The following DRC2 variants were observed in gnomAD, a reference collection of about 807,000 sequenced individuals.
The protein encoded by DRC2 is coiled-coil domain containing 65.
At chr12:48,904,367 C>A in the DRC2 span, 5 of 1,613,802 alleles carry the variant, frequency 3.1e-6, no homozygotes, top group Non-Finnish European at 4.2e-6. Flanking sequence ...GGCCAAGACG[C>A]CCCTGTCCGA....
chr12:48,918,894 T>G, the DRC2 span: 1 of 1,611,970 alleles, frequency 6.2e-7, no homozygotes, highest in South Asian at 1.1e-5. Flanking sequence ...TGAGAAAGAT[T>G]GTTGATAAGG....
the DRC2 span, among the ~76,000 whole-genome samples, chr12:48,919,234 T>C: frequency 1.8e-4 from 27 of 151,594 alleles, no homozygotes; most frequent in East Asian, 3.3e-3. Flanking sequence ...TTTTTTTTTT[T>C]TCTTTTTGGT....
chr12:48,912,437 C>CA, the DRC2 span, among the ~76,000 whole-genome samples: 272 of 45,320 alleles, frequency 6.0e-3, 24 homozygotes, highest in Middle Eastern at 0.018. Context: ...GACGCCGTCT[C>CA]AAAAAAAAAA....
the DRC2 span, among the ~76,000 whole-genome samples, chr12:48,920,111 T>TAAAAA: frequency 9.4e-5 from 3 of 32,054 alleles, no homozygotes; most frequent in Non-Finnish European, 1.5e-4. Context: ...AGACCCTGTC[T>TAAAAA]AAAAAAAAAA....
At chr12:48,908,225 A>C in the DRC2 span, among the ~76,000 whole-genome samples, 1 of 152,040 alleles carries the variant, frequency 6.6e-6, no homozygotes. Flanking sequence ...ACAAATTTTT[A>C]AATTTTTTAT....
chr12:48,909,804 G>A, the DRC2 span, among the ~76,000 whole-genome samples: 655 of 146,924 alleles, frequency 4.5e-3, 2 homozygotes, highest in Middle Eastern at 0.015. Context: ...TTCCCGAGAC[G>A]GAGTCTCACT....
chr12:48,918,750 G>C, the DRC2 span: 3 of 1,614,124 alleles, frequency 1.9e-6, no homozygotes, highest in South Asian at 1.1e-5. Flanking sequence ...ATGAGAACCG[G>C]TATATCCGTA....
the DRC2 span, among the ~76,000 whole-genome samples, chr12:48,915,738 C>T: frequency 2.7e-5 from 4 of 149,676 alleles, no homozygotes; most frequent in Non-Finnish European, 4.4e-5. Context: ...GGCAGAGGCA[C>T]CCCTCACCTC....
chr12:48,907,934 T>C, the DRC2 span, among the ~76,000 whole-genome samples: 1 of 152,090 alleles, frequency 6.6e-6, no homozygotes. Context: ...ATCTTACACA[T>C]TACCCTGGCT....
the DRC2 span, among the ~76,000 whole-genome samples, chr12:48,905,413 G>A: frequency 3.3e-5 from 5 of 152,274 alleles, no homozygotes; most frequent in Admixed American, 2.6e-4. Flanking sequence ...TCATTTCAAT[G>A]TCAGAAGGCT....
At chr12:48,904,164 C>T in the DRC2 span, 23 of 783,894 alleles carry the variant, frequency 2.9e-5, no homozygotes, top group East Asian at 5.8e-4. Context: ...AGCTCAGCCT[C>T]ACTGATAGCC....
chr12:48,921,100 G>A, the DRC2 span: 4 of 1,610,590 alleles, frequency 2.5e-6, no homozygotes, highest in Non-Finnish European at 3.4e-6. Context: ...CCGGGGGATG[G>A]TGGGGCATTG....
the DRC2 span, among the ~76,000 whole-genome samples, chr12:48,909,345 C>T: frequency 2.5e-4 from 38 of 152,300 alleles, no homozygotes; most frequent in African/African-American, 9.1e-4. Context: ...CACCTGGCCT[C>T]TGCCTACCTG....
the DRC2 span, among the ~76,000 whole-genome samples, chr12:48,916,084 C>T: frequency 2.7e-5 from 4 of 148,308 alleles, no homozygotes; most frequent in African/African-American, 4.9e-5. Flanking sequence ...GATGGGATGG[C>T]GGCCAGGCAG....
At chr12:48,909,728 C>T in the DRC2 span, among the ~76,000 whole-genome samples, 5 of 151,572 alleles carry the variant, frequency 3.3e-5, no homozygotes, top group Admixed American at 2.0e-4. Flanking sequence ...CTGCCCACTT[C>T]GGCCTCCCAA....
chr12:48,914,456 G>T, the DRC2 span: 1 of 1,613,372 alleles, frequency 6.2e-7, no homozygotes, highest in African/African-American at 1.3e-5. Context: ...CATGCCCTGC[G>T]CAGCCACTTG....
the DRC2 span, among the ~76,000 whole-genome samples, chr12:48,907,424 AG>A: frequency 1.3e-5 from 2 of 152,318 alleles, no homozygotes; most frequent in Middle Eastern, 6.8e-3. Flanking sequence ...GTTCACCCCG[AG>A]ACAATTAACT....
chr12:48,907,746 C>G, the DRC2 span, among the ~76,000 whole-genome samples: 1 of 152,028 alleles, frequency 6.6e-6, no homozygotes, highest in South Asian at 2.1e-4. Flanking sequence ...TTGGTCATGC[C>G]CTGGGTCTTG....
At chr12:48,905,106 T>C in the DRC2 span, 1 of 1,603,502 alleles carries the variant, frequency 6.2e-7, no homozygotes, top group Non-Finnish European at 8.5e-7. Flanking sequence ...AAGGACAATG[T>C]CATCAAGGTA....
Sources: allele counts gnomAD v4.1 joint callset (sites outside exome capture counted in the v4.1 genomes callset), GRCh38; gene constraint gnomAD v4.1.1; transcripts MANE v1.5; gene names NCBI Gene and HGNC (gene_info 2026-07-23, HGNC 2026-07-21).